Variants in SHISA9 observed in about 807,000 individuals in gnomAD.
The protein encoded by SHISA9 is protein shisa-9.
In SHISA9, 13 loss-of-function variants were observed where a neutral mutation model predicts 38.0. The observed-to-expected ratio is 0.34, with a 90% CI of 0.22 to 0.54. SHISA9 has a LOEUF of 0.54. Among genes scored for constraint, SHISA9 ranks in the 20% least tolerant of loss-of-function variants. The pLI, the probability that SHISA9 is intolerant of heterozygous loss-of-function variation, is 0.91. For synonymous variants in SHISA9, 275 were observed against 242.0 expected (o/e 1.14, Z -1.27); for missense variants, 538 against 575.8 (o/e 0.93, Z 0.67).
At chr16:13,303,415 T>G in the SHISA9 span, among the ~76,000 whole-genome samples, 1 of 152,148 alleles carries the variant, frequency 6.6e-6, no homozygotes, top group Non-Finnish European at 1.5e-5. Flanking sequence ...AAAAGGAATA[T>G]AATACCAGAA....
intron 2 of SHISA9, among the ~76,000 whole-genome samples, chr16:13,136,951 G>T (rs1013953336): frequency 1.3e-5 from 2 of 152,178 alleles, no homozygotes; most frequent in Non-Finnish European, 2.9e-5. Flanking sequence ...GAAGGTTTCT[G>T]CAAAAGCTTG....
chr16:13,463,420 A>C, the SHISA9 span, among the ~76,000 whole-genome samples: 1,251 of 152,256 alleles, frequency 8.2e-3, 15 homozygotes, highest in African/African-American at 0.028. Context: ...AGGAGTCTGG[A>C]AAGATTCCTG....
chr16:13,403,465 G>A, the SHISA9 span, among the ~76,000 whole-genome samples: 1 of 152,206 alleles, frequency 6.6e-6, no homozygotes, highest in East Asian at 1.9e-4. Flanking sequence ...GCAGGATCAG[G>A]AGTGAGGAGC....
chr16:13,335,158 G>C, the SHISA9 span, among the ~76,000 whole-genome samples: 9 of 152,222 alleles, frequency 5.9e-5, no homozygotes, highest in Non-Finnish European at 1.2e-4. Flanking sequence ...CTAACCCAGA[G>C]GAGGCTGGCC....
chr16:13,529,143 A>G, the SHISA9 span, among the ~76,000 whole-genome samples: 1 of 152,148 alleles, frequency 6.6e-6, no homozygotes. Context: ...AATTAACCAG[A>G]GTGAATGTTC....
At chr16:12,923,418 C>G (rs1450189780) in intron 2 of SHISA9, among the ~76,000 whole-genome samples, 1 of 152,080 alleles carries the variant, frequency 6.6e-6, no homozygotes, top group Non-Finnish European at 1.5e-5. Flanking sequence ...ATCCCAGCTA[C>G]TTGAGAGGCT....
chr16:13,077,231 C>T (rs1051897652), intron 2 of SHISA9, among the ~76,000 whole-genome samples: 5 of 150,576 alleles, frequency 3.3e-5, no homozygotes, highest in Admixed American at 2.6e-4. Context: ...TTCACTTCTT[C>T]TTCTTCTTCT....
intron 4 of SHISA9, among the ~76,000 whole-genome samples, chr16:13,219,438 T>C (rs1362834837): frequency 1.3e-5 from 2 of 152,200 alleles, no homozygotes; most frequent in African/African-American, 4.8e-5. Flanking sequence ...GACCCAATAC[T>C]GGTTTATCCA....
rs760672521 is a variant in SHISA9, at chr16:12,916,696, C to A, written c.572C>A (p.Ala191Glu). The A allele has an allele frequency of 7.1e-6, 11 of 1,549,710 alleles. No individual in the cohort carries two copies. The South Asian group carries it at 1.3e-4, about 19-fold the overall frequency. ...PQREHMSRAL[A>E]DVMRPQGHCN... ...ATTCTTTCTTCTTTCAGGGCCCTTG[C>A]GGATGTCATGAGACCACAGGGCCAC... The change falls in exon 2 of 5, where the codon GCG becomes GAG. Residue 191 changes from alanine (A) to glutamate (E), a missense_variant. Ala to Glu is a moderately radical substitution (Grantham distance 107). Coordinates refer to ENST00000558583, the MANE Select transcript of SHISA9 (RefSeq NM_001145204.3).
At chr16:12,967,108 A>T (rs777501655) in intron 2 of SHISA9, among the ~76,000 whole-genome samples, 4 of 152,212 alleles carry the variant, frequency 2.6e-5, no homozygotes, top group Non-Finnish European at 5.9e-5. Context: ...ACACATGCAC[A>T]CGTATGTTTA....
chr16:13,126,687 G>C (rs1287406267), intron 2 of SHISA9, among the ~76,000 whole-genome samples: 1 of 149,530 alleles, frequency 6.7e-6, no homozygotes, highest in Non-Finnish European at 1.5e-5. Flanking sequence ...GAGAGACTGA[G>C]GGAAGAAGAA....
the SHISA9 span, among the ~76,000 whole-genome samples, chr16:13,463,224 T>C: frequency 6.6e-6 from 1 of 152,070 alleles, no homozygotes; most frequent in Non-Finnish European, 1.5e-5. Context: ...AAGGATAGAT[T>C]GGGAAGAAAG....
chr16:12,984,335 C>A (rs1211787284), intron 2 of SHISA9, among the ~76,000 whole-genome samples: 1 of 152,222 alleles, frequency 6.6e-6, no homozygotes, highest in Admixed American at 6.5e-5. Flanking sequence ...TTGTGGAGGA[C>A]TTCACATTAA....
At chr16:13,158,650 G>C (rs1280971184) in intron 2 of SHISA9, among the ~76,000 whole-genome samples, 1 of 152,118 alleles carries the variant, frequency 6.6e-6, no homozygotes, top group East Asian at 1.9e-4. Flanking sequence ...AGGGAGGCTG[G>C]GAAAGCAAAT....
At chr16:13,005,120 A>T (rs999531860) in intron 2 of SHISA9, among the ~76,000 whole-genome samples, 2 of 152,008 alleles carry the variant, frequency 1.3e-5, no homozygotes, top group Non-Finnish European at 2.9e-5. Flanking sequence ...CATTCCTGAG[A>T]TGAAGGTGAC....
intron 2 of SHISA9, among the ~76,000 whole-genome samples, chr16:13,075,441 C>G (rs768558566): frequency 4.1e-4 from 62 of 152,042 alleles, no homozygotes; most frequent in Non-Finnish European, 8.5e-4. Context: ...GTGGGAGGGT[C>G]TTTTGAATCC....
intron 2 of SHISA9, among the ~76,000 whole-genome samples, chr16:12,928,314 T>TTGTG (rs55763909): frequency 0.25 from 37,315 of 150,870 alleles, 5,009 homozygotes; most frequent in Admixed American, 0.35. Context: ...CAGAGGTTGG[T>TTGTG]TGTGTGTGTG....
At chr16:13,471,674 G>A in the SHISA9 span, among the ~76,000 whole-genome samples, 6 of 136,056 alleles carry the variant, frequency 4.4e-5, no homozygotes, top group African/African-American at 1.7e-4. Flanking sequence ...CTGACCTGCA[G>A]TGGACTTTGA....
chr16:13,164,126 T>C (rs759272533), intron 2 of SHISA9, among the ~76,000 whole-genome samples: 1 of 152,096 alleles, frequency 6.6e-6, no homozygotes, highest in Admixed American at 6.6e-5. Context: ...ATATTTTTCA[T>C]AGATGTCCGT....
Sources: gnomAD v4.1 joint callset for allele counts (sites outside exome capture counted in the v4.1 genomes callset) on GRCh38, gnomAD v4.1.1 for gene constraint, MANE v1.5 for transcripts, NCBI Gene and HGNC (gene_info 2026-07-23, HGNC 2026-07-21) for gene names.